Variants in TBC1D9B observed in about 807,000 individuals in gnomAD.
The protein encoded by TBC1D9B is TBC1 domain family member 9B, also known as TBC1 domain family, member 9B (with GRAM domain).
Under a neutral mutation model 121.1 loss-of-function variants are expected in TBC1D9B, and 87 were observed. The ratio of observed to expected loss-of-function variants is 0.72; its 90% CI spans 0.60 to 0.86. The LOEUF (loss-of-function observed/expected upper bound fraction) is 0.86, where lower values mean the gene tolerates loss of function less well. Among genes scored for constraint, TBC1D9B ranks in the 40% least tolerant of loss-of-function variants. TBC1D9B has a pLI of 0.00. For missense variants in TBC1D9B, 1,540 were observed against 1,628.6 expected, an observed-to-expected ratio of 0.95 and a Z score of 0.94; for synonymous variants, 668 against 670.1, an observed-to-expected ratio of 1.00 and a Z score of 0.05.
At chr5:179,879,917 G>C (rs1760487465) in intron 7 of TBC1D9B, 128 bp from the exon 8 acceptor site, 1 of 1,151,482 alleles carries the variant, frequency 8.7e-7, no homozygotes, top group Non-Finnish European at 1.2e-6. Flanking sequence ...ACGGTGCACG[G>C]AGAAGAGCCT....
At chr5:179,880,221 G>A (rs573610469) in intron 7 of TBC1D9B, among the ~76,000 whole-genome samples, 1 of 152,286 alleles carries the variant, frequency 6.6e-6, no homozygotes, top group South Asian at 2.1e-4. Flanking sequence ...GTGGGTTTAG[G>A]GCGACTGCGT....
At chr5:179,898,347 G>T (rs1396143467) in intron 3 of TBC1D9B, among the ~76,000 whole-genome samples, 1 of 151,962 alleles carries the variant, frequency 6.6e-6, no homozygotes, top group African/African-American at 2.4e-5. Flanking sequence ...TAGAGACAGG[G>T]TTTCACTGTG....
intron 1 of TBC1D9B, among the ~76,000 whole-genome samples, chr5:179,905,741 T>C (rs1761293362): frequency 6.6e-6 from 1 of 152,252 alleles, no homozygotes; most frequent in South Asian, 2.1e-4. Flanking sequence ...AACCTGTTTA[T>C]TGTTTTTACT....
rs10037618 is a variant in TBC1D9B at position 179,874,972 on chromosome 5, C to T, written c.2116G>A (p.Val706Ile). 693 of 1,613,834 alleles carry T rather than the reference C, an allele frequency of 4.3e-4. 4 individuals are homozygous for T. The African/African-American group carries it at 6.5e-3, about 15-fold the overall frequency. ...AGCTGCTCCATGTTGGCGTCCAGGA[C>T]GGCCAGGGCCACCTGCAGGATCACC... ...IKVILQVALA[V>I]LDANMEQLLG... The change falls in exon 12 of 21, where the codon GTC becomes ATC. Residue 706 changes from valine to isoleucine, a missense_variant. Coordinates refer to ENST00000355235, the MANE Select transcript of TBC1D9B (RefSeq NM_015043.4). The surrounding 1 kb of genome is among the most constrained non-coding windows in gnomAD (Gnocchi z 4.3).
chr5:179,899,156 G>C (rs774020054), intron 3 of TBC1D9B, 33 bp downstream of exon 3: 1 of 1,551,000 alleles, frequency 6.4e-7, no homozygotes, highest in Non-Finnish European at 8.9e-7. Context: ...GGCCAGGGAA[G>C]GGTGAGAACA....
rs996982826 is a variant in TBC1D9B, at chr5:179,870,694, T to A, written c.2485-199A>T. On this transcript the variant is annotated intron_variant, in intron 15 of 20. Transcript: ENST00000355235. ...CCCTTGTTAACAGATGGGGAGGGGG[T>A]TGGCTGAGAGACAGAGTCCTTGGCA... 4 of 821,300 alleles carry A rather than the reference T, an allele frequency of 4.9e-6. No homozygotes were observed. In the South Asian group the frequency reaches 5.7e-5, roughly 12 times the overall value. 50.9% of individuals were successfully genotyped at this position (821,300 alleles called of 1,614,324 possible).
chr5:179,897,336 G>A (rs1761050697), intron 3 of TBC1D9B, among the ~76,000 whole-genome samples: 1 of 142,682 alleles, frequency 7.0e-6, no homozygotes, highest in East Asian at 2.0e-4. Flanking sequence ...TTTTTGAGAT[G>A]GAGTCTCGCT....
intron 4 of TBC1D9B, 64 bp downstream of exon 4, chr5:179,894,321 TG>T (rs1760955858): frequency 2.2e-6 from 3 of 1,390,786 alleles, no homozygotes; most frequent in Non-Finnish European, 2.9e-6. Context: ...ATGGAGTATC[TG>T]GGGGCCGAAG....
At chr5:179,883,063 T>C (rs1192285608) in intron 7 of TBC1D9B, among the ~76,000 whole-genome samples, 1 of 152,214 alleles carries the variant, frequency 6.6e-6, no homozygotes, top group Non-Finnish European at 1.5e-5. Flanking sequence ...TTCACCATGT[T>C]GGCCAGGCTG....
At chr5:179,877,550 G>A (rs1386296856) in intron 10 of TBC1D9B, among the ~76,000 whole-genome samples, 1 of 151,524 alleles carries the variant, frequency 6.6e-6, no homozygotes, top group Non-Finnish European at 1.5e-5. Context: ...TGTAATCCCA[G>A]CTACTCAAGA....
rs534557919 is a variant in TBC1D9B, at chr5:179,872,988, T to C, written c.2319A>G (p.Lys773=). 6 of 1,614,012 alleles carry C rather than the reference T, an allele frequency of 3.7e-6. No homozygotes were observed. In the East Asian group the frequency reaches 1.3e-4, roughly 36 times the overall value. Residue 773 remains lysine (K), a splice_region_variant and synonymous_variant, in exon 14 of 21, where the codon AAA becomes AAG. Coordinates refer to ENST00000355235, the MANE Select transcript of TBC1D9B (RefSeq NM_015043.4). ...TGTCTTCGGCCCTCAGGCTGCTGAA[T>C]TTCTATAGGGAGAGGTGACTTGGTG... ...IFELLKVSYE[K]FSSLRAEDIE... is the part of the protein sequence containing the mutation.
chr5:179,878,927 AAG>A (rs1760445170), intron 9 of TBC1D9B, 118 bp downstream of exon 9: 15 of 1,373,654 alleles, frequency 1.1e-5, no homozygotes, highest in Non-Finnish European at 1.3e-5. Flanking sequence ...GGCTGTGTGA[AAG>A]AGCTGGGAGC....
In TBC1D9B at chr5:179,893,269, AG is replaced by A. The variant is rs766908685; in HGVS notation, c.775del (p.Leu259TrpfsTer19). 18 of 1,613,786 alleles carry A rather than the reference AG, an allele frequency of 1.1e-5. No individual in the cohort carries two copies. The highest frequency in any genetic ancestry group is 1.5e-5 in the Non-Finnish European group (18 of 1,180,008). ...MRQLLDSEGF[L>X]EDKALPRPIR... ...GGGCCTAGGCAGGGCCTTGTCCTCC[AG>A]GAAGCCCTCGCTGTCCAGCAGCTGC... is the stretch of plus-strand genomic sequence containing the variant. On this transcript the variant is annotated frameshift_variant, in exon 5 of 21. Transcript: ENST00000355235. LOFTEE classifies it high-confidence loss of function.
rs1380571822 is a variant in TBC1D9B, at chr5:179,869,853, A to T, written c.2726-19T>A. On this transcript the variant is annotated intron_variant, in intron 16 of 20. Coordinates refer to ENST00000355235, the MANE Select transcript of TBC1D9B (RefSeq NM_015043.4). Reference sequence around the variant, plus strand: ...ATCCCGCCTGTGGAGAAGGCCAGGGAGGGCTGGGTCTGGCAACATGGCTGC... The same window carrying T: ...ATCCCGCCTGTGGAGAAGGCCAGGGTGGGCTGGGTCTGGCAACATGGCTGC... 6.5e-7 allele frequency: 1 copy of T among 1,535,286 alleles called. No individual in the cohort carries two copies. The highest frequency in any genetic ancestry group is 2.3e-5 in the East Asian group (1 of 44,210).
chr5:179,869,362 C>A (rs1416452429), intron 17 of TBC1D9B: 5 of 365,568 alleles, frequency 1.4e-5, no homozygotes, highest in Non-Finnish European at 2.2e-5. Context: ...AGAGAAGTGG[C>A]CCCTCCTCAT....
rs747993968 is a variant in TBC1D9B at position 179,863,681 on chromosome 5, TGTC to T, written c.3466_3468del (p.Asp1156del). 16 of 1,613,564 alleles carry T rather than the reference TGTC, an allele frequency of 9.9e-6. No individual in the cohort carries two copies. The highest frequency in any genetic ancestry group is 1.4e-5 in the Non-Finnish European group (16 of 1,180,012). ...CAGGCCTCCCCGCCCACCAGCACCG[TGTC>T]GTCTGCAAGGTCTTCACATTGCAGG... On this transcript the variant is annotated inframe_deletion, in exon 21 of 21. Transcript: ENST00000355235. The surrounding 1 kb of genome is among the most constrained non-coding windows in gnomAD (Gnocchi z 4.5).
In TBC1D9B at chr5:179,865,707, C is replaced by T. The variant is rs956508068; in HGVS notation, c.2914+131G>A. The T allele has an allele frequency of 6.5e-6, 7 of 1,069,194 alleles. No homozygotes were observed. Among genetic ancestry groups the T allele is most frequent in the Non-Finnish European group, 9.6e-6 (7 of 731,116 alleles). 66.2% of individuals were successfully genotyped at this position (1,069,194 alleles called of 1,614,324 possible). ...CCTCCTGTGCATCCCGAGGCCTGCT[C>T]CCTGATCGGGGGACGCATCCGCCAT... On this transcript the variant is annotated intron_variant, in intron 19 of 20. Transcript: ENST00000355235. The surrounding 1 kb of genome is among the most constrained non-coding windows in gnomAD (Gnocchi z 5.1).
chr5:179,882,011 C>T (rs545532697), intron 7 of TBC1D9B, among the ~76,000 whole-genome samples: 24 of 139,566 alleles, frequency 1.7e-4, no homozygotes, highest in Non-Finnish European at 3.5e-4. Flanking sequence ...GAGGTGTGAT[C>T]TCAGCTCACT....
chr5:179,875,441 G>A lies in TBC1D9B; in HGVS notation c.1901-254C>T, dbSNP rs548888446. Among the ~76,000 whole-genome samples the A allele has an allele frequency of 2.6e-5, 4 of 152,270 alleles. No homozygotes were observed. The highest frequency in any genetic ancestry group is 2.1e-4 in the South Asian group (1 of 4,828). On this transcript the variant is annotated intron_variant, in intron 11 of 20. Transcript: ENST00000355235. The surrounding 1 kb of genome is among the most constrained non-coding windows in gnomAD (Gnocchi z 4.5). ...ATTTTGGGGAAATACTGATTTCTCC[G>A]TAAGGCATGAGAGGTAAACAGCACC... is the stretch of plus-strand genomic sequence containing the variant.
Sources: gnomAD v4.1 joint callset for allele counts (sites outside exome capture counted in the v4.1 genomes callset) on GRCh38, gnomAD v4.1.1 for gene constraint, Gnocchi (gnomAD v3.1) non-coding constraint, MANE v1.5 for transcripts, NCBI Gene and HGNC (gene_info 2026-07-23, HGNC 2026-07-21) for gene names.